Variants in USP46 observed in about 807,000 individuals in gnomAD.
USP46 encodes the protein ubiquitin carboxyl-terminal hydrolase 46.
Under a neutral mutation model 44.4 loss-of-function variants are expected in USP46, and 12 were observed. The ratio of observed to expected loss-of-function variants is 0.27; its 90% CI spans 0.17 to 0.44. USP46 has a LOEUF of 0.44. USP46 is among the 20% of genes least tolerant of loss of function. The pLI is 1.00. For missense variants in USP46, 248 were observed against 444.8 expected (o/e 0.56, Z 3.98); for synonymous variants, 155 against 161.5 (o/e 0.96, Z 0.31).
intron 1 of USP46, chr4:52,655,240 A>G (rs903503539): frequency 2.6e-5 from 4 of 152,236 alleles, no homozygotes; most frequent in African/African-American, 7.2e-5. Context: ...ATCTTTACCA[A>G]TGTTAACACC....
At chr4:52,615,327 A>G (rs1183778447) in intron 4 of USP46, among the ~76,000 whole-genome samples, 1 of 152,146 alleles carries the variant, frequency 6.6e-6, no homozygotes, top group Admixed American at 6.5e-5. Flanking sequence ...TTGAAAGTAA[A>G]TGGTTGGAAA....
intron 1 of USP46, among the ~76,000 whole-genome samples, chr4:52,632,989 GAAAA>G (rs1182816393): frequency 1.9e-4 from 6 of 31,974 alleles, no homozygotes; most frequent in Non-Finnish European, 1.4e-4. Context: ...AGAAAGAAAA[GAAAA>G]GAAAGAAAGA....
chr4:52,610,633 G>A lies in USP46; in HGVS notation c.562-16C>T. 3 of 1,611,958 alleles carry A rather than the reference G, an allele frequency of 1.9e-6. No individual in the cohort carries two copies. The highest frequency in any genetic ancestry group is 2.5e-6 in the Non-Finnish European group (3 of 1,178,522). ...TGCTACTAACCTGAAACAAAAAACAGAAACAATATATTAGGCATGAAATAT... is the reference window on the plus strand; with the variant it reads ...TGCTACTAACCTGAAACAAAAAACAAAAACAATATATTAGGCATGAAATAT... On this transcript the variant is annotated splice_polypyrimidine_tract_variant and intron_variant, in intron 4 of 8. Coordinates refer to ENST00000441222, the MANE Select transcript of USP46 (RefSeq NM_022832.4).
chr4:52,605,094 G>C (rs1165959125), intron 5 of USP46, among the ~76,000 whole-genome samples: 1 of 152,134 alleles, frequency 6.6e-6, no homozygotes, highest in Non-Finnish European at 1.5e-5. Flanking sequence ...TATTTTCAAA[G>C]AGCATGAAAG....
At chr4:52,611,039 G>A (rs1418079544) in intron 4 of USP46, among the ~76,000 whole-genome samples, 1 of 151,808 alleles carries the variant, frequency 6.6e-6, no homozygotes, top group East Asian at 1.9e-4. Context: ...TCCACTTTTT[G>A]CCAGTCCCTT....
At chr4:52,657,713 A>G (rs1011678768) in intron 1 of USP46, among the ~76,000 whole-genome samples, 3 of 152,122 alleles carry the variant, frequency 2.0e-5, no homozygotes, top group Admixed American at 1.3e-4. Flanking sequence ...AGAAAACAGA[A>G]AGGCTCTAGG....
intron 5 of USP46, among the ~76,000 whole-genome samples, chr4:52,608,142 T>C (rs1716770792): frequency 6.6e-6 from 1 of 152,164 alleles, no homozygotes; most frequent in South Asian, 2.1e-4. Context: ...TAATAAGAAA[T>C]GCACACTTTT....
intron 1 of USP46, among the ~76,000 whole-genome samples, chr4:52,640,831 A>G (rs1194919672): frequency 3.3e-5 from 5 of 151,948 alleles, no homozygotes; most frequent in Non-Finnish European, 5.9e-5. Context: ...AAATTAACAA[A>G]TTTTTAAAAA....
chr4:52,643,844 C>A (rs1032080453), intron 1 of USP46, among the ~76,000 whole-genome samples: 2 of 152,220 alleles, frequency 1.3e-5, no homozygotes, highest in African/African-American at 4.8e-5. Flanking sequence ...AAGAGCAGAT[C>A]TGGGATTCAA....
intron 4 of USP46, among the ~76,000 whole-genome samples, chr4:52,614,031 G>A (rs1383248467): frequency 1.3e-5 from 2 of 152,078 alleles, no homozygotes; most frequent in African/African-American, 4.8e-5. Context: ...TAGAAATTCT[G>A]GAACTGAAAA....
intron 1 of USP46, among the ~76,000 whole-genome samples, chr4:52,631,605 T>C (rs749800701): frequency 1.3e-5 from 2 of 152,224 alleles, no homozygotes; most frequent in African/African-American, 4.8e-5. Flanking sequence ...TGGGCATGGA[T>C]AACAGAACAG....
intron 1 of USP46, among the ~76,000 whole-genome samples, chr4:52,639,860 G>GTTTTTTTTTTTTTTTTTTTTTTT (rs34078992): frequency 8.6e-6 from 1 of 116,620 alleles, no homozygotes; most frequent in Non-Finnish European, 1.8e-5. Flanking sequence ...CCATGCCTGG[G>GTTTTTTTTTTTTTTTTTTTTTTT]TTTTTTTTTT....
intron 4 of USP46, among the ~76,000 whole-genome samples, chr4:52,615,053 A>T (rs543559928): frequency 2.9e-4 from 44 of 152,278 alleles, no homozygotes; most frequent in African/African-American, 9.4e-4. Context: ...GAGGAAAATT[A>T]AAATGGAATT....
chr4:52,625,226 C>T (rs1206044615), intron 4 of USP46, among the ~76,000 whole-genome samples: 4 of 151,988 alleles, frequency 2.6e-5, no homozygotes, highest in African/African-American at 9.7e-5. Context: ...TTTAATCCTC[C>T]CACCAACCCT....
At chr4:52,598,372 C>T (rs563986088) in intron 8 of USP46, among the ~76,000 whole-genome samples, 79 of 152,290 alleles carry the variant, frequency 5.2e-4, no homozygotes, top group African/African-American at 1.6e-3. Context: ...GTCTGATTTA[C>T]GGTGGCACAG....
intron 7 of USP46, among the ~76,000 whole-genome samples, chr4:52,601,061 T>A (rs1716450512): frequency 1.3e-5 from 2 of 152,182 alleles, no homozygotes; most frequent in African/African-American, 4.8e-5. Context: ...GCAATGGTAG[T>A]CTCCTGGTAA....
At position 52,659,028 on chromosome 4, in the gene USP46, A is replaced by G; in HGVS notation, c.36+87T>C. On this transcript the variant is annotated intron_variant, in intron 1 of 8. Transcript: ENST00000441222. The surrounding 1 kb of genome is among the most constrained non-coding windows in gnomAD (Gnocchi z 4.2). ...CGGACCCCGCCGCCCCCGCCGCCCC[A>G]GCCACCGGGCGTGTGTGCAGCTCGG... The G allele has an allele frequency of 4.9e-6, 7 of 1,443,242 alleles. No homozygotes were observed. The highest frequency in any genetic ancestry group is 6.4e-6 in the Non-Finnish European group (7 of 1,087,846). 89.4% of individuals were successfully genotyped at this position (1,443,242 alleles called of 1,614,324 possible). A position where few individuals can be genotyped will look rare whatever the true frequency, so the allele number is the denominator to read the frequency against.
rs1367910614 is a variant in USP46 at position 52,595,029 on chromosome 4, T to A, written c.*2611A>T. On this transcript the variant is annotated 3_prime_UTR_variant, in exon 9 of 9. Coordinates refer to ENST00000441222, the MANE Select transcript of USP46 (RefSeq NM_022832.4). ...AAGTAACCAATAAAGCAAATGTTCC[T>A]TCTGTTTTTTTTTTAAAGTGTAAAA... The A allele has an allele frequency of 6.6e-6, 1 of 151,556 alleles. No homozygotes were observed. Among genetic ancestry groups the A allele is most frequent in the Non-Finnish European group, 1.5e-5 (1 of 68,034 alleles). The allele number at this position is 151,556 out of a possible 1,614,324, so 9.4% of individuals were successfully genotyped here. A position where few individuals can be genotyped will look rare whatever the true frequency, so the allele number is the denominator to read the frequency against.
rs1476697150 is a variant in USP46 at position 52,610,653 on chromosome 4, A to C, written c.562-36T>G. Reference sequence around the variant, plus strand: ...AAACAGAAACAATATATTAGGCATGAAATATGTAGTAGATAAAACTTTGAA... The same window carrying C: ...AAACAGAAACAATATATTAGGCATGCAATATGTAGTAGATAAAACTTTGAA... On this transcript the variant is annotated intron_variant, in intron 4 of 8. Transcript: ENST00000441222. The C allele has an allele frequency of 2.5e-6, 4 of 1,594,758 alleles. No homozygotes were observed. In the Admixed American group the frequency reaches 6.8e-5, roughly 27 times the overall value.
Sources: gnomAD v4.1 joint callset for allele counts (sites outside exome capture counted in the v4.1 genomes callset) on GRCh38, gnomAD v4.1.1 for gene constraint, Gnocchi (gnomAD v3.1) non-coding constraint, MANE v1.5 for transcripts, NCBI Gene and HGNC (gene_info 2026-07-23, HGNC 2026-07-21) for gene names.